The following GARIN1A variants were observed in gnomAD, a reference collection of about 807,000 sequenced individuals.
The protein encoded by GARIN1A is Golgi-associated RAB2 interactor protein 1A.
chr7:128,682,606 G>C, the GARIN1A span, among the ~76,000 whole-genome samples: 3 of 152,158 alleles, frequency 2.0e-5, no homozygotes, highest in Non-Finnish European at 4.4e-5. Flanking sequence ...TTTTGAGAAG[G>C]AGTCTCACTC....
chr7:128,680,685 C>T, the GARIN1A span, among the ~76,000 whole-genome samples: 3 of 151,996 alleles, frequency 2.0e-5, no homozygotes, highest in African/African-American at 7.3e-5. Flanking sequence ...TTGCCTCAGC[C>T]TCCCAAGTAG....
At chr7:128,688,757 T>TCCC in the GARIN1A span, among the ~76,000 whole-genome samples, 1 of 30,932 alleles carries the variant, frequency 3.2e-5, no homozygotes, top group Non-Finnish European at 6.3e-5. Flanking sequence ...ATAATAACGG[T>TCCC]CCCCCCTCCC....
the GARIN1A span, among the ~76,000 whole-genome samples, chr7:128,672,836 C>T: frequency 6.6e-6 from 1 of 152,178 alleles, no homozygotes; most frequent in Non-Finnish European, 1.5e-5. Flanking sequence ...TTCACAGGCC[C>T]TTTCTGGGCC....
At chr7:128,683,037 A>G in the GARIN1A span, 2 of 1,611,172 alleles carry the variant, frequency 1.2e-6, no homozygotes, top group Non-Finnish European at 1.7e-6. Flanking sequence ...ATCTCCAATC[A>G]ATTTGAATAT....
chr7:128,676,530 T>C, the GARIN1A span, among the ~76,000 whole-genome samples: 1 of 152,066 alleles, frequency 6.6e-6, no homozygotes, highest in Non-Finnish European at 1.5e-5. Flanking sequence ...CGATAATTTC[T>C]TTAGTAATAT....
chr7:128,689,441 C>T, the GARIN1A span, among the ~76,000 whole-genome samples: 8 of 150,916 alleles, frequency 5.3e-5, no homozygotes, highest in Non-Finnish European at 1.0e-4. Context: ...TCTGCCCGGC[C>T]GTGACCCCGA....
At chr7:128,685,167 C>G in the GARIN1A span, 1 of 152,442 alleles carries the variant, frequency 6.6e-6, no homozygotes, top group Non-Finnish European at 1.5e-5. Context: ...TCCCAAAGTG[C>G]TGGGATTACA....
the GARIN1A span, among the ~76,000 whole-genome samples, chr7:128,695,651 A>G: frequency 6.6e-6 from 1 of 151,622 alleles, no homozygotes; most frequent in Non-Finnish European, 1.5e-5. The surrounding 1 kb of genome is among the most constrained non-coding windows in gnomAD (Gnocchi z 4.5). Context: ...AGTGATTCTT[A>G]TGCCTCAGCC....
the GARIN1A span, among the ~76,000 whole-genome samples, chr7:128,677,189 G>A: frequency 6.6e-6 from 1 of 151,856 alleles, no homozygotes; most frequent in Non-Finnish European, 1.5e-5. Context: ...GCCACCTCTA[G>A]GTGGGCACCC....
the GARIN1A span, chr7:128,672,557 T>C: frequency 1.9e-6 from 3 of 1,576,110 alleles, no homozygotes; most frequent in Non-Finnish European, 2.6e-6. Flanking sequence ...CCAGGTACCC[T>C]CGTGGAGCTC....
At chr7:128,677,550 C>T in the GARIN1A span, 3 of 1,564,078 alleles carry the variant, frequency 1.9e-6, no homozygotes, top group African/African-American at 4.1e-5. Flanking sequence ...TGGAAATGTC[C>T]TGATTATGTC....
chr7:128,679,110 T>A, the GARIN1A span, among the ~76,000 whole-genome samples: 1 of 151,556 alleles, frequency 6.6e-6, no homozygotes, highest in African/African-American at 2.4e-5. Flanking sequence ...TATATATTAA[T>A]GCCATATATA....
the GARIN1A span, among the ~76,000 whole-genome samples, chr7:128,681,542 C>A: frequency 6.8e-6 from 1 of 147,076 alleles, no homozygotes. Context: ...CACTCTGTTG[C>A]CCAGGCTGGA....
the GARIN1A span, among the ~76,000 whole-genome samples, chr7:128,708,818 T>C: frequency 6.6e-6 from 1 of 152,206 alleles, no homozygotes; most frequent in Non-Finnish European, 1.5e-5. Context: ...GGGGAGTCAT[T>C]CTGTGACATA....
the GARIN1A span, among the ~76,000 whole-genome samples, chr7:128,700,472 G>A: frequency 6.6e-6 from 1 of 152,066 alleles, no homozygotes; most frequent in South Asian, 2.1e-4. Context: ...TAGAGATGGG[G>A]TTTCACTATG....
chr7:128,679,933 C>T, the GARIN1A span: 1 of 627,838 alleles, frequency 1.6e-6, no homozygotes, highest in African/African-American at 1.9e-5. Context: ...GTGTGAAACT[C>T]AACTGTAATA....
chr7:128,675,713 G>C, the GARIN1A span: 1 of 1,613,858 alleles, frequency 6.2e-7, no homozygotes, highest in Non-Finnish European at 8.5e-7. Context: ...TCTGTGAAGG[G>C]TCTGCCACCG....
chr7:128,694,662 T>C, the GARIN1A span, among the ~76,000 whole-genome samples: 2 of 152,272 alleles, frequency 1.3e-5, no homozygotes, highest in South Asian at 2.1e-4. Flanking sequence ...GTCACAAGAA[T>C]TTTTCCTCTC....
At chr7:128,694,235 A>G in the GARIN1A span, among the ~76,000 whole-genome samples, 2 of 152,216 alleles carry the variant, frequency 1.3e-5, no homozygotes, top group Non-Finnish European at 1.5e-5. Flanking sequence ...TTTTTAGTGT[A>G]AAAGCAAGAA....
Sources: allele counts gnomAD v4.1 joint callset (sites outside exome capture counted in the v4.1 genomes callset), GRCh38; gene constraint gnomAD v4.1.1; non-coding constraint Gnocchi (gnomAD v3.1); transcripts MANE v1.5; gene names NCBI Gene and HGNC (gene_info 2026-07-23, HGNC 2026-07-21).